LINGO2: variants seen among roughly 807,000 people sequenced by gnomAD.
LINGO2 encodes leucine rich repeat and Ig domain containing 2, also known as leucine-rich repeat and immunoglobulin-like domain-containing nogo receptor-interacting protein 2.
Under a neutral mutation model 30.6 loss-of-function variants are expected in LINGO2, and 14 were observed. That is an observed-to-expected ratio of 0.46 (90% CI 0.30 to 0.72). The LOEUF (loss-of-function observed/expected upper bound fraction) is 0.72, where lower values mean the gene tolerates loss of function less well. LINGO2 is among the 30% of genes least tolerant of loss of function. The pLI is 0.07. For synonymous variants in LINGO2, 317 were observed against 288.5 expected, an observed-to-expected ratio of 1.10 and a Z score of -1.00; for missense variants, 729 against 751.7, an observed-to-expected ratio of 0.97 and a Z score of 0.35.
At chr9:28,900,409 GT>G in the LINGO2 span, among the ~76,000 whole-genome samples, 1 of 152,122 alleles carries the variant, frequency 6.6e-6, no homozygotes, top group African/African-American at 2.4e-5. Flanking sequence ...AGAAGTTCCT[GT>G]GGACCCAGGC....
At chr9:28,065,425 GAATCATATA>G (rs1360416479) in intron 4 of LINGO2, among the ~76,000 whole-genome samples, 3 of 69,828 alleles carry the variant, frequency 4.3e-5, no homozygotes, top group Non-Finnish European at 6.3e-5. Context: ...GGATGGTCAG[GAATCATATA>G]AAAGATCACA....
the LINGO2 span, among the ~76,000 whole-genome samples, chr9:29,175,689 G>C: frequency 6.6e-6 from 1 of 151,820 alleles, no homozygotes; most frequent in African/African-American, 2.4e-5. Context: ...ACCACGCCTG[G>C]CTAATTTTTG....
In LINGO2 at chr9:28,594,070, C is replaced by T. The variant is rs79011470; in HGVS notation, c.-365+76130G>A. On this transcript the variant is annotated intron_variant, in intron 1 of 5. Coordinates refer to ENST00000379992, the Ensembl canonical transcript of LINGO2. ...AAATAAAAAAAAACACAAAAGTACC[C>T]GTGTTATAATATTACAGTGATGATA... Among the ~76,000 whole-genome samples the T allele has an allele frequency of 8.0e-3, 1,218 of 151,762 alleles. 11 individuals are homozygous for T. Among genetic ancestry groups the T allele is most frequent in the Non-Finnish European group, 0.013 (909 of 67,910 alleles).
intron 3 of LINGO2, among the ~76,000 whole-genome samples, chr9:28,319,296 A>T (rs1824953358): frequency 6.6e-6 from 1 of 152,138 alleles, no homozygotes; most frequent in African/African-American, 2.4e-5. Context: ...AATGGGTGGA[A>T]CCCTGTCAGT....
At chr9:28,988,602 A>G in the LINGO2 span, among the ~76,000 whole-genome samples, 99,226 of 152,084 alleles carry the variant, frequency 0.65, 32,936 homozygotes, top group Non-Finnish European at 0.72. Flanking sequence ...GTATTGATAC[A>G]TTACCCCAGG....
At chr9:28,264,812 A>C (rs1218195472) in intron 4 of LINGO2, among the ~76,000 whole-genome samples, 1 of 152,028 alleles carries the variant, frequency 6.6e-6, no homozygotes, top group African/African-American at 2.4e-5. Context: ...ACTAGTCTAA[A>C]TGGTATTGTA....
At chr9:29,092,013 G>A in the LINGO2 span, among the ~76,000 whole-genome samples, 5 of 151,884 alleles carry the variant, frequency 3.3e-5, no homozygotes, top group Admixed American at 6.6e-5. Flanking sequence ...AACCCTTGAT[G>A]ACTATAAAAA....
chr9:28,369,810 G>A (rs182807633), intron 3 of LINGO2, among the ~76,000 whole-genome samples: 74 of 152,296 alleles, frequency 4.9e-4, no homozygotes, highest in African/African-American at 1.7e-3. Flanking sequence ...AAGAGTTGCC[G>A]TGAGTTACAG....
chr9:28,180,569 T>C (rs1382576542), intron 4 of LINGO2, among the ~76,000 whole-genome samples: 1 of 152,158 alleles, frequency 6.6e-6, no homozygotes, highest in African/African-American at 2.4e-5. Context: ...ATGTTTTCTA[T>C]CCAGTTTCAT....
chr9:29,007,425 T>C, the LINGO2 span, among the ~76,000 whole-genome samples: 4 of 152,088 alleles, frequency 2.6e-5, no homozygotes, highest in Non-Finnish European at 4.4e-5. Context: ...TCCAATAGGA[T>C]AGCAAATGTA....
the LINGO2 span, among the ~76,000 whole-genome samples, chr9:28,703,612 T>C: frequency 6.6e-6 from 1 of 151,904 alleles, no homozygotes; most frequent in African/African-American, 2.4e-5. Context: ...TACAAGTGAT[T>C]AATTAATGGT....
At chr9:29,064,011 T>C in the LINGO2 span, among the ~76,000 whole-genome samples, 5 of 152,120 alleles carry the variant, frequency 3.3e-5, no homozygotes, top group Non-Finnish European at 4.4e-5. Context: ...TTCAAAGCTT[T>C]ATGACTTAAT....
chr9:28,396,496 A>G (rs978466540), intron 2 of LINGO2, among the ~76,000 whole-genome samples: 5 of 152,022 alleles, frequency 3.3e-5, no homozygotes, highest in African/African-American at 1.2e-4. Flanking sequence ...CAGGGTCAGG[A>G]GATCAAGACC....
the LINGO2 span, among the ~76,000 whole-genome samples, chr9:29,140,244 A>G: frequency 1.3e-5 from 2 of 152,094 alleles, no homozygotes; most frequent in Non-Finnish European, 1.5e-5. Flanking sequence ...AAAAATGGGC[A>G]CGTATGAATT....
chr9:28,828,891 G>A, the LINGO2 span, among the ~76,000 whole-genome samples: 1 of 152,176 alleles, frequency 6.6e-6, no homozygotes, highest in Non-Finnish European at 1.5e-5. Context: ...TCTAGTGACA[G>A]GGACAGAAGG....
At chr9:28,037,193 C>T (rs74702190) in intron 4 of LINGO2, among the ~76,000 whole-genome samples, 3,599 of 152,268 alleles carry the variant, frequency 0.024, 140 homozygotes, top group African/African-American at 0.081. Flanking sequence ...ACTCCAGGTA[C>T]GGAGACAACT....
intron 1 of LINGO2, among the ~76,000 whole-genome samples, chr9:28,668,184 C>A (rs981992553): frequency 6.6e-6 from 1 of 151,830 alleles, no homozygotes; most frequent in East Asian, 1.9e-4. Context: ...AAATAATAGG[C>A]AAATAATTCA....
chr9:28,361,972 C>A (rs1348527314), intron 3 of LINGO2, among the ~76,000 whole-genome samples: 1 of 152,132 alleles, frequency 6.6e-6, no homozygotes, highest in East Asian at 1.9e-4. Context: ...CATCTATGCC[C>A]GCTGCACCAC....
At chr9:28,952,560 C>T in the LINGO2 span, among the ~76,000 whole-genome samples, 48 of 152,258 alleles carry the variant, frequency 3.2e-4, no homozygotes, top group African/African-American at 1.1e-3. Flanking sequence ...AATGTGACTT[C>T]TGAGCCTAGA....
Sources: allele counts gnomAD v4.1 joint callset (sites outside exome capture counted in the v4.1 genomes callset), GRCh38; gene constraint gnomAD v4.1.1; transcripts MANE v1.5; gene names NCBI Gene and HGNC (gene_info 2026-07-23, HGNC 2026-07-21).